FHOD3: variants seen among roughly 807,000 people sequenced by gnomAD.
FHOD3 encodes formin homology 2 domain containing 3.
In FHOD3, 90 loss-of-function variants were observed where a neutral mutation model predicts 173.0. That is an observed-to-expected ratio of 0.52 (90% confidence interval 0.44 to 0.62). The LOEUF is 0.62. Among genes scored for constraint, FHOD3 ranks in the 20% least tolerant of loss-of-function variants. The pLI, the probability that FHOD3 is intolerant of heterozygous loss-of-function variation, is 0.00. For synonymous variants in FHOD3, 828 were observed against 823.0 expected (o/e 1.01, Z -0.10); for missense variants, 1,945 against 2,034.7 (o/e 0.96, Z 0.85).
chr18:36,608,687 A>G (rs1892875301), intron 8 of FHOD3, among the ~76,000 whole-genome samples: 1 of 152,204 alleles, frequency 6.6e-6, no homozygotes, highest in Non-Finnish European at 1.5e-5. Context: ...CTGAGAAACC[A>G]CTGATTTATT....
chr18:36,523,502 A>G (rs2056374497), intron 5 of FHOD3, among the ~76,000 whole-genome samples: 1 of 152,230 alleles, frequency 6.6e-6, no homozygotes, highest in African/African-American at 2.4e-5. Flanking sequence ...GCCACAGCTG[A>G]TTAGGGAAGT....
chr18:36,408,850 C>T (rs1323726114), intron 3 of FHOD3, among the ~76,000 whole-genome samples: 1 of 152,166 alleles, frequency 6.6e-6, no homozygotes, highest in African/African-American at 2.4e-5. Context: ...ATGACTCTAC[C>T]ATGAATGGGT....
At chr18:36,363,500 T>C (rs1340535219) in intron 2 of FHOD3, among the ~76,000 whole-genome samples, 2 of 152,164 alleles carry the variant, frequency 1.3e-5, no homozygotes, top group African/African-American at 2.4e-5. Context: ...AGAAAAGACA[T>C]GGGGGAACCT....
At chr18:36,607,116 G>A (rs2032168607) in intron 8 of FHOD3, among the ~76,000 whole-genome samples, 1 of 152,216 alleles carries the variant, frequency 6.6e-6, no homozygotes, top group South Asian at 2.1e-4. Flanking sequence ...GCTCCACTAG[G>A]CATTGCCCTA....
At chr18:36,427,089 C>T (rs1284112276) in intron 3 of FHOD3, among the ~76,000 whole-genome samples, 1 of 151,938 alleles carries the variant, frequency 6.6e-6, no homozygotes, top group Non-Finnish European at 1.5e-5. Flanking sequence ...TTAAGTTCTT[C>T]CAAGACTTAA....
At chr18:36,664,778 G>GAGAGAGAC (rs1491563257) in intron 14 of FHOD3, among the ~76,000 whole-genome samples, 8 of 3,654 alleles carry the variant, frequency 2.2e-3, no homozygotes, top group Non-Finnish European at 7.7e-3. Flanking sequence ...GTGTGTATGT[G>GAGAGAGAC]AGAGAGAGAG....
chr18:36,461,903 C>T (rs1599222050), intron 3 of FHOD3, among the ~76,000 whole-genome samples: 1 of 152,230 alleles, frequency 6.6e-6, no homozygotes, highest in East Asian at 1.9e-4. Context: ...TACTGTGATC[C>T]TGAGCCAGTC....
intron 3 of FHOD3, among the ~76,000 whole-genome samples, chr18:36,499,251 G>C (rs556739209): frequency 6.6e-6 from 1 of 152,140 alleles, no homozygotes; most frequent in African/African-American, 2.4e-5. Flanking sequence ...TTACAGGCAT[G>C]TGCCACCATG....
rs993645137 is a variant in FHOD3 at position 36,352,731 on chromosome 18, T to C, written c.166-2808T>C. Among the ~76,000 whole-genome samples, 9 of 152,334 alleles carry C rather than the reference T, an allele frequency of 5.9e-5. No individual in the cohort carries two copies. The East Asian group carries it at 1.5e-3, about 26-fold the overall frequency. ...CCAGGGGTTGAGGAAAAGGACATTG[T>C]GATGGCTTAAAGAGGTTTTGTCATT... On this transcript the variant is annotated intron_variant, in intron 1 of 28. Coordinates refer to ENST00000590592, the MANE Select transcript of FHOD3 (RefSeq NM_001281740.3).
At chr18:36,566,204 T>C (rs2058257669) in intron 5 of FHOD3, among the ~76,000 whole-genome samples, 1 of 152,228 alleles carries the variant, frequency 6.6e-6, no homozygotes, top group African/African-American at 2.4e-5. Flanking sequence ...CGTTTTGGTA[T>C]CTTTGGCTGG....
chr18:36,302,588 T>C lies in FHOD3; in HGVS notation c.165+4588T>C, dbSNP rs1047727551. On this transcript the variant is annotated intron_variant, in intron 1 of 28. Transcript: ENST00000590592. ...GACCTGGCTGTTCAGTTCTCTGGTG[T>C]TTCCCTCGAAGCTAAGTAGTGCTAA... Among the ~76,000 whole-genome samples the C allele has an allele frequency of 6.6e-5, 10 of 152,336 alleles. No homozygotes were observed. The South Asian group carries it at 1.7e-3, about 25-fold the overall frequency.
chr18:36,421,227 GC>G (rs756338376), intron 3 of FHOD3, among the ~76,000 whole-genome samples: 2 of 152,178 alleles, frequency 1.3e-5, no homozygotes, highest in African/African-American at 2.4e-5. Context: ...AGGGTAGCTT[GC>G]CACAATGATA....
intron 1 of FHOD3, among the ~76,000 whole-genome samples, chr18:36,325,040 A>G (rs2044598053): frequency 6.6e-6 from 1 of 152,262 alleles, no homozygotes; most frequent in Non-Finnish European, 1.5e-5. Context: ...TGAATCTCAC[A>G]GATATATAGT....
At chr18:36,680,960 T>A (rs1296085339) in intron 14 of FHOD3, among the ~76,000 whole-genome samples, 1 of 152,212 alleles carries the variant, frequency 6.6e-6, no homozygotes, top group East Asian at 1.9e-4. Context: ...CATGTGCTGG[T>A]TTGTTAATCG....
chr18:36,524,418 G>T (rs903617984), intron 5 of FHOD3, among the ~76,000 whole-genome samples: 6 of 152,146 alleles, frequency 3.9e-5, no homozygotes, highest in African/African-American at 7.2e-5. Context: ...GGCCAGGGGC[G>T]TAGGAGACAA....
chr18:36,327,151 C>G lies in FHOD3; in HGVS notation c.166-28388C>G, dbSNP rs572001447. 3.9e-5 allele frequency among the ~76,000 whole-genome samples: 6 copies of G among 152,268 alleles called. No individual in the cohort carries two copies. The East Asian group carries it at 7.7e-4, about 20-fold the overall frequency. ...GCAGCTCAGATGTTTCACCAATTCCCCAAGAGTGATCTTTCCCCCTCAACA... is the reference window on the plus strand; with the variant it reads ...GCAGCTCAGATGTTTCACCAATTCCGCAAGAGTGATCTTTCCCCCTCAACA... On this transcript the variant is annotated intron_variant, in intron 1 of 28. Coordinates refer to ENST00000590592, the MANE Select transcript of FHOD3 (RefSeq NM_001281740.3).
At chr18:36,471,689 C>T (rs1237840704) in intron 3 of FHOD3, among the ~76,000 whole-genome samples, 1 of 152,178 alleles carries the variant, frequency 6.6e-6, no homozygotes, top group Non-Finnish European at 1.5e-5. Flanking sequence ...AAGAGAACTT[C>T]CCTGTGGGAA....
At chr18:36,423,284 T>C (rs1302083171) in intron 3 of FHOD3, among the ~76,000 whole-genome samples, 1 of 152,206 alleles carries the variant, frequency 6.6e-6, no homozygotes, top group Non-Finnish European at 1.5e-5. Flanking sequence ...TTTTAGGATC[T>C]CATTGGAGAT....
At chr18:36,541,251 A>G (rs1319943462) in intron 5 of FHOD3, among the ~76,000 whole-genome samples, 1 of 137,016 alleles carries the variant, frequency 7.3e-6, no homozygotes, top group Non-Finnish European at 1.5e-5. Flanking sequence ...CTCTGTCTCA[A>G]AAAAAAAAAA....
Sources: gnomAD v4.1 joint callset for allele counts (sites outside exome capture counted in the v4.1 genomes callset) on GRCh38, gnomAD v4.1.1 for gene constraint, MANE v1.5 for transcripts, NCBI Gene and HGNC (gene_info 2026-07-23, HGNC 2026-07-21) for gene names.